Variants in SLC25A21 observed in about 807,000 individuals in gnomAD.
SLC25A21 encodes the protein solute carrier family 25 member 21.
A neutral mutation model predicts 43.8 loss-of-function variants in SLC25A21; 47 were observed. The observed-to-expected ratio is 1.07, with a 90% CI of 0.85 to 1.37. The LOEUF (loss-of-function observed/expected upper bound fraction) is 1.37, where lower values mean the gene tolerates loss of function less well. Among genes scored for constraint, SLC25A21 ranks in the 40% most tolerant of loss-of-function variants. The pLI is 0.00. For missense variants in SLC25A21, 352 were observed against 350.2 expected, an observed-to-expected ratio of 1.00 and a Z score of -0.04; for synonymous variants, 131 against 121.3, an observed-to-expected ratio of 1.08 and a Z score of -0.52.
At chr14:37,108,797 C>G (rs1768406877) in intron 1 of SLC25A21, among the ~76,000 whole-genome samples, 1 of 151,426 alleles carries the variant, frequency 6.6e-6, no homozygotes, top group Non-Finnish European at 1.5e-5. Context: ...TCTGGAAATT[C>G]ACAAAAATAG....
intron 1 of SLC25A21, among the ~76,000 whole-genome samples, chr14:36,966,985 AAT>A (rs981805623): frequency 6.6e-6 from 1 of 152,196 alleles, no homozygotes; most frequent in African/African-American, 2.4e-5. Context: ...TCTATATAGA[AAT>A]ATATATATGT....
At chr14:36,848,096 G>A (rs1449660604) in intron 2 of SLC25A21, among the ~76,000 whole-genome samples, 3 of 152,102 alleles carry the variant, frequency 2.0e-5, no homozygotes, top group Non-Finnish European at 2.9e-5. Flanking sequence ...AGAGAACCAG[G>A]TGGAGAAAAA....
chr14:37,164,111 G>C (rs1963993670), intron 1 of SLC25A21, among the ~76,000 whole-genome samples: 1 of 152,104 alleles, frequency 6.6e-6, no homozygotes, highest in Admixed American at 6.6e-5. Context: ...GAATCATATA[G>C]CCACATATTA....
chr14:36,691,895 TA>T (rs1330760130), intron 7 of SLC25A21, among the ~76,000 whole-genome samples: 6 of 152,360 alleles, frequency 3.9e-5, no homozygotes, highest in Middle Eastern at 3.4e-3. Flanking sequence ...TCTGAAATAT[TA>T]ATGAATATTG....
chr14:36,916,152 A>T (rs1453239546), intron 1 of SLC25A21, among the ~76,000 whole-genome samples: 1 of 152,238 alleles, frequency 6.6e-6, no homozygotes, highest in Non-Finnish European at 1.5e-5. Context: ...CTAGATTCTC[A>T]GCAACTTAAG....
intron 1 of SLC25A21, among the ~76,000 whole-genome samples, chr14:36,950,779 T>C (rs1317164990): frequency 6.6e-6 from 1 of 152,242 alleles, no homozygotes; most frequent in Non-Finnish European, 1.5e-5. Flanking sequence ...GTCAGCAGCT[T>C]GTTTCCCCAC....
intron 1 of SLC25A21, among the ~76,000 whole-genome samples, chr14:37,164,203 T>C (rs1337574417): frequency 6.6e-6 from 1 of 152,212 alleles, no homozygotes; most frequent in Non-Finnish European, 1.5e-5. Flanking sequence ...GCAACTCATA[T>C]TTTGTTTGTT....
intron 7 of SLC25A21, among the ~76,000 whole-genome samples, chr14:36,700,460 T>C (rs895857325): frequency 1.3e-5 from 2 of 152,200 alleles, no homozygotes; most frequent in African/African-American, 4.8e-5. Flanking sequence ...CTGGAAGCCA[T>C]GTCACCAGAA....
chr14:37,137,504 A>G (rs868764898), intron 1 of SLC25A21, among the ~76,000 whole-genome samples: 24 of 152,208 alleles, frequency 1.6e-4, no homozygotes, highest in South Asian at 4.1e-4. Flanking sequence ...ATTTTCTTAT[A>G]GAATTTTGTC....
chr14:37,095,161 A>G (rs908199294), intron 1 of SLC25A21, among the ~76,000 whole-genome samples: 2 of 152,228 alleles, frequency 1.3e-5, no homozygotes, highest in Admixed American at 6.5e-5. Flanking sequence ...GATCACTGCT[A>G]TATCACCATG....
chr14:37,027,563 A>G (rs1357453953), intron 1 of SLC25A21, among the ~76,000 whole-genome samples: 1 of 152,176 alleles, frequency 6.6e-6, no homozygotes, highest in Non-Finnish European at 1.5e-5. Flanking sequence ...GGCTCCCACA[A>G]TACTACAGTA....
intron 1 of SLC25A21, among the ~76,000 whole-genome samples, chr14:37,144,924 G>GTTGTTGTTGTTGTTGTT (rs1555349804): frequency 6.7e-6 from 1 of 150,352 alleles, no homozygotes; most frequent in Admixed American, 6.6e-5. Flanking sequence ...CAGCCTGGGT[G>GTTGTTGTTGTTGTTGTT]GTTGTTGTTG....
intron 1 of SLC25A21, among the ~76,000 whole-genome samples, chr14:37,064,834 G>A (rs1962027785): frequency 6.6e-6 from 1 of 151,702 alleles, no homozygotes; most frequent in African/African-American, 2.4e-5. Flanking sequence ...TAAGCACTAG[G>A]GACATAAAGA....
chr14:37,144,003 A>G (rs1201674541), intron 1 of SLC25A21, among the ~76,000 whole-genome samples: 1 of 152,208 alleles, frequency 6.6e-6, no homozygotes, highest in Non-Finnish European at 1.5e-5. Flanking sequence ...AAGAGTCAGA[A>G]AAGCATGCAG....
chr14:37,089,202 G>GA lies in SLC25A21; in HGVS notation c.70+83078dup, dbSNP rs569956848. Among the ~76,000 whole-genome samples the GA allele has an allele frequency of 7.9e-5, 12 of 151,980 alleles. No homozygotes were observed. The South Asian group carries it at 2.1e-3, about 26-fold the overall frequency. On this transcript the variant is annotated intron_variant, in intron 1 of 9. Coordinates refer to ENST00000331299, the MANE Select transcript of SLC25A21 (RefSeq NM_030631.4). The stretch of plus-strand genomic sequence containing the variant: ...GGCCTCCAATGAGGATTAAAAGGTT[G>GA]AAAAAAATCATAGACTTTCTAAATT...
intron 1 of SLC25A21, among the ~76,000 whole-genome samples, chr14:37,007,775 G>A (rs1960639421): frequency 6.6e-6 from 1 of 152,010 alleles, no homozygotes; most frequent in South Asian, 2.1e-4. Context: ...TTCAGTGAAA[G>A]CATGATAGGC....
At chr14:37,107,767 C>A (rs1962942190) in intron 1 of SLC25A21, among the ~76,000 whole-genome samples, 1 of 152,152 alleles carries the variant, frequency 6.6e-6, no homozygotes, top group Admixed American at 6.6e-5. Context: ...CAAGTCCAGC[C>A]ATTCCCTCTC....
chr14:36,981,832 TATA>T (rs1435824868), intron 1 of SLC25A21, among the ~76,000 whole-genome samples: 2 of 152,112 alleles, frequency 1.3e-5, no homozygotes, highest in African/African-American at 4.8e-5. Flanking sequence ...GAACTTAAAG[TATA>T]ATAATAAAAA....
chr14:37,118,552 G>A (rs1192289893), intron 1 of SLC25A21, among the ~76,000 whole-genome samples: 1 of 152,134 alleles, frequency 6.6e-6, no homozygotes, highest in Non-Finnish European at 1.5e-5. Context: ...CTTTATCTGG[G>A]CAGTGGGTAA....
Sources: gnomAD v4.1 joint callset for allele counts (sites outside exome capture counted in the v4.1 genomes callset) on GRCh38, gnomAD v4.1.1 for gene constraint, MANE v1.5 for transcripts, NCBI Gene and HGNC (gene_info 2026-07-23, HGNC 2026-07-21) for gene names.